The following OCA2 variants were observed in gnomAD, a reference collection of about 807,000 sequenced individuals.
OCA2 encodes P protein.
A neutral mutation model predicts 100.2 loss-of-function variants in OCA2; 77 were observed. The ratio of observed to expected loss-of-function variants is 0.77; its 90% confidence interval spans 0.64 to 0.93. OCA2 has a LOEUF of 0.93. Ranked by LOEUF, OCA2 falls within the 40% of genes least tolerant of loss-of-function variation. The probability of loss-of-function intolerance (pLI) is 0.00; values close to 1 mark genes in which losing one functional copy is unlikely to be tolerated. For missense variants in OCA2, 1,062 were observed against 1,089.1 expected (o/e 0.98, Z 0.35); for synonymous variants, 432 against 439.2 (o/e 0.98, Z 0.21).
chr15:27,731,231 G>T, the OCA2 span, among the ~76,000 whole-genome samples: 1 of 152,152 alleles, frequency 6.6e-6, no homozygotes, highest in Non-Finnish European at 1.5e-5. Flanking sequence ...GGCTTTGCAT[G>T]CAAAGTCTTC....
chr15:27,832,712 G>A (rs981662706), intron 23 of OCA2, among the ~76,000 whole-genome samples: 1 of 152,154 alleles, frequency 6.6e-6, no homozygotes, highest in Non-Finnish European at 1.5e-5. Flanking sequence ...TCATCACTGC[G>A]CCACTGAGGC....
chr15:27,913,894 AGCAAGCAAGC>A lies in OCA2; in HGVS notation c.2079+12223_2079+12232del, dbSNP rs1366060366. Among the ~76,000 whole-genome samples, 99 of 29,368 alleles carry A rather than the reference AGCAAGCAAGC, an allele frequency of 3.4e-3. 2 individuals carry two copies. Among genetic ancestry groups the A allele is most frequent in the South Asian group, 7.6e-3 (5 of 658 alleles). 19.3% of individuals were successfully genotyped at this position (29,368 alleles called of 152,430 possible). On this transcript the variant is annotated intron_variant, in intron 19 of 23. Coordinates refer to ENST00000354638, the MANE Select transcript of OCA2 (RefSeq NM_000275.3). The stretch of plus-strand genomic sequence containing the variant: ...AAGAAAGAAAGAAAGAAAGAAAGAA[AGCAAGCAAGC>A]AAGCAAGCAAGCAAGCAAGCAAGCA...
At chr15:28,088,707 G>A (rs1479680313) in intron 1 of OCA2, among the ~76,000 whole-genome samples, 2 of 152,196 alleles carry the variant, frequency 1.3e-5, no homozygotes, top group African/African-American at 4.8e-5. Context: ...CAAAAGGGGA[G>A]GGAGTACATG....
intron 2 of OCA2, among the ~76,000 whole-genome samples, chr15:28,062,925 T>C (rs888702110): frequency 6.6e-6 from 1 of 152,198 alleles, no homozygotes; most frequent in African/African-American, 2.4e-5. Flanking sequence ...TGTCTATCCT[T>C]ATGCCAGAAA....
rs1755102298 is a variant in OCA2 at position 28,012,278 on chromosome 15, CA to C, written c.1044+2497del. ...TAGAAAGACCACACCCTGTCATAGGCAGGGGCACATGGACAGCTATGACAGA... is the reference window on the plus strand; with the variant it reads ...TAGAAAGACCACACCCTGTCATAGGCGGGGCACATGGACAGCTATGACAGA... On this transcript the variant is annotated intron_variant, in intron 9 of 23. Coordinates refer to ENST00000354638, the MANE Select transcript of OCA2 (RefSeq NM_000275.3). Among the ~76,000 whole-genome samples the C allele has an allele frequency of 2.0e-5, 3 of 152,224 alleles. No homozygotes were observed. The South Asian group carries it at 6.2e-4, about 32-fold the overall frequency.
At chr15:28,012,266 C>A (rs2042265138) in intron 9 of OCA2, among the ~76,000 whole-genome samples, 1 of 152,218 alleles carries the variant, frequency 6.6e-6, no homozygotes, top group African/African-American at 2.4e-5. Context: ...AAAGACCACA[C>A]CCTGTCATAG....
intron 19 of OCA2, among the ~76,000 whole-genome samples, chr15:27,877,341 A>G (rs962411124): frequency 2.0e-5 from 3 of 151,918 alleles, no homozygotes; most frequent in African/African-American, 4.8e-5. Flanking sequence ...AATTGAATCA[A>G]CGTGGTTGAT....
intron 21 of OCA2, among the ~76,000 whole-genome samples, chr15:27,864,526 G>T (rs1433333049): frequency 1.3e-5 from 2 of 152,108 alleles, no homozygotes; most frequent in African/African-American, 4.8e-5. Context: ...GATAGCCCAG[G>T]ATGTCTGTCC....
intron 4 of OCA2, among the ~76,000 whole-genome samples, chr15:28,026,110 C>A (rs1052291393): frequency 3.3e-5 from 5 of 152,124 alleles, no homozygotes; most frequent in Non-Finnish European, 7.4e-5. Context: ...AGCTGACAAC[C>A]CAAAATAAAA....
At chr15:27,919,737 A>C (rs1292621682) in intron 19 of OCA2, among the ~76,000 whole-genome samples, 1 of 152,190 alleles carries the variant, frequency 6.6e-6, no homozygotes, top group African/African-American at 2.4e-5. Context: ...AGAATGTACA[A>C]CACCAAGAAC....
At position 27,972,848 on chromosome 15, in the gene OCA2, A is replaced by C. The variant is rs4068532; in HGVS notation, c.1504-6026T>G. The stretch of plus-strand genomic sequence containing the variant: ...ATTTTATTTTATTTTATTTTATTTT[A>C]TTTTATTTTATTTTATTTTATTTTA... On this transcript the variant is annotated intron_variant, in intron 14 of 23. Transcript: ENST00000354638. 7.5e-3 allele frequency among the ~76,000 whole-genome samples: 339 copies of C among 45,428 alleles called. 12 individuals are homozygous for C. The highest frequency in any genetic ancestry group is 0.012 in the African/African-American group (322 of 25,774). The allele number at this position is 45,428 out of a possible 152,430, so 29.8% of individuals were successfully genotyped here.
At position 27,989,519 on chromosome 15, in the gene OCA2, A is replaced by T. The variant is rs527526632; in HGVS notation, c.1182+82T>A. ...TAGGCGCTGTGTCTTTAACATAATG[A>T]AGGACCCTCAGCGGTGGAGGCCAGA... On this transcript the variant is annotated intron_variant, in intron 11 of 23. Transcript: ENST00000354638. The T allele has an allele frequency of 9.0e-6, 10 of 1,109,840 alleles. No individual in the cohort carries two copies. The South Asian group carries it at 1.0e-4, about 11-fold the overall frequency. 68.7% of individuals were successfully genotyped at this position (1,109,840 alleles called of 1,614,324 possible).
At chr15:27,966,857 C>CTCTTACAT in intron 14 of OCA2, 35 bp from the exon 15 acceptor site, 2 of 1,588,148 alleles carry the variant, frequency 1.3e-6, no homozygotes, top group Non-Finnish European at 1.7e-6. Context: ...AATGGCAGCC[C>CTCTTACAT]AGGCATGGTG....
At chr15:27,734,185 G>A in the OCA2 span, among the ~76,000 whole-genome samples, 2,013 of 145,166 alleles carry the variant, frequency 0.014, 26 homozygotes, top group South Asian at 0.055. Context: ...GAGAGAAGTG[G>A]AGCCAAATGG....
the OCA2 span, among the ~76,000 whole-genome samples, chr15:27,741,360 C>T: frequency 5.3e-5 from 8 of 152,178 alleles, no homozygotes; most frequent in African/African-American, 1.7e-4. Context: ...ATCAGACCTG[C>T]AAGCGTCCCA....
intron 14 of OCA2, among the ~76,000 whole-genome samples, chr15:27,972,628 T>C (rs1274946537): frequency 6.6e-6 from 1 of 152,136 alleles, no homozygotes; most frequent in African/African-American, 2.4e-5. Context: ...TTTTTTCATA[T>C]GTTTCTTGGC....
intron 19 of OCA2, among the ~76,000 whole-genome samples, chr15:27,920,818 T>C (rs1306610862): frequency 2.0e-5 from 3 of 151,788 alleles, no homozygotes; most frequent in African/African-American, 7.3e-5. Context: ...TGACATAAAA[T>C]TGAGATGACA....
At position 27,913,238 on chromosome 15, in the gene OCA2, G is replaced by A. The variant is rs1017739024; in HGVS notation, c.2079+12889C>T. On this transcript the variant is annotated intron_variant, in intron 19 of 23. Transcript: ENST00000354638. ...TTTCTGGTTTCGATAGTTTTATCACGGTTGTATAATTTTTAACTTAGGGGA... is the reference window on the plus strand; with the variant it reads ...TTTCTGGTTTCGATAGTTTTATCACAGTTGTATAATTTTTAACTTAGGGGA... Among the ~76,000 whole-genome samples the A allele has an allele frequency of 3.3e-5, 5 of 151,950 alleles. No individual in the cohort carries two copies. The East Asian group carries it at 5.8e-4, about 18-fold the overall frequency.
At chr15:28,068,382 C>T (rs1195597453) in intron 2 of OCA2, among the ~76,000 whole-genome samples, 1 of 152,142 alleles carries the variant, frequency 6.6e-6, no homozygotes, top group Admixed American at 6.5e-5. Context: ...TTCCTGGAAG[C>T]ACACAATCTC....
Sources: gnomAD v4.1 joint callset for allele counts (sites outside exome capture counted in the v4.1 genomes callset) on GRCh38, gnomAD v4.1.1 for gene constraint, MANE v1.5 for transcripts, NCBI Gene and HGNC (gene_info 2026-07-23, HGNC 2026-07-21) for gene names.